VCAM1: variants seen among roughly 807,000 people sequenced by gnomAD.
VCAM1 encodes the protein vascular cell adhesion protein 1.
In VCAM1, 41 loss-of-function variants were observed where a neutral mutation model predicts 63.8. The ratio of observed to expected loss-of-function variants is 0.64; its 90% confidence interval spans 0.50 to 0.83. VCAM1 has a LOEUF of 0.83. Among genes scored for constraint, VCAM1 ranks in the 40% least tolerant of loss-of-function variants. The pLI is 0.00. For missense variants in VCAM1, 798 were observed against 875.5 expected (o/e 0.91, Z 1.12); for synonymous variants, 338 against 320.7 (o/e 1.05, Z -0.58).
rs1463419136 is a variant in VCAM1, at chr1:100,723,421, A to T, written c.661+81A>T. 9 of 362,922 alleles carry T rather than the reference A, an allele frequency of 2.5e-5. No individual in the cohort carries two copies. In the East Asian group the frequency reaches 4.2e-4, roughly 17 times the overall value. 22.5% of individuals were successfully genotyped at this position (362,922 alleles called of 1,614,324 possible). A position where few individuals can be genotyped will look rare whatever the true frequency, so the allele number is the denominator to read the frequency against. ...ATAGCAATAAACTTAGCAGAAAAGTAAAAAAAAAAAAAACTTGTATATAGT... is the reference window on the plus strand; with the variant it reads ...ATAGCAATAAACTTAGCAGAAAAGTTAAAAAAAAAAAAACTTGTATATAGT... On this transcript the variant is annotated intron_variant, in intron 3 of 8. Transcript: ENST00000294728.
intron 5 of VCAM1, among the ~76,000 whole-genome samples, chr1:100,730,126 G>A (rs961008148): frequency 6.6e-6 from 1 of 152,024 alleles, no homozygotes; most frequent in African/African-American, 2.4e-5. Context: ...GTTTTATTCA[G>A]TAGAACTCAA....
Position 100,734,683 on chromosome 1 carries a change from C to G in VCAM1, c.1974C>G (p.Ala658=), listed in dbSNP as rs1660587622. 6.2e-7 allele frequency: 1 copy of G among 1,613,770 alleles called. No individual in the cohort carries two copies. The highest frequency in any genetic ancestry group is 8.5e-7 in the Non-Finnish European group (1 of 1,179,914). ...ATGGCGCCTATACCATCCGAAAGGC[C>G]CAGTTGAAGGATGCGGGAGTATATG... ...SIDGAYTIRK[A]QLKDAGVYEC... is the part of the protein sequence containing the mutation. The change falls in exon 8 of 9, where the codon GCC becomes GCG. Residue 658 remains alanine, a synonymous_variant. Coordinates refer to ENST00000294728, the MANE Select transcript of VCAM1 (RefSeq NM_001078.4).
At chr1:100,720,001 G>T (rs1026365771) in intron 1 of VCAM1, 77 bp downstream of exon 1, 1 of 1,496,022 alleles carries the variant, frequency 6.7e-7, no homozygotes, top group Non-Finnish European at 9.2e-7. Context: ...TCAGTTTTGC[G>T]ATAGTAGTGA....
chr1:100,724,729 T>C lies in VCAM1; in HGVS notation c.767T>C (p.Ile256Thr). 1 of 1,613,092 alleles carries C rather than the reference T, an allele frequency of 6.2e-7. No individual in the cohort carries two copies. Reference sequence around the variant, plus strand: ...AGCGAGGGTCTACCAGCTCCAGAGATTTTCTGGAGTAAGAAATTAGATAAT... The same window carrying C: ...AGCGAGGGTCTACCAGCTCCAGAGACTTTCTGGAGTAAGAAATTAGATAAT... ...CSSEGLPAPE[I>T]FWSKKLDNGN... The change falls in exon 4 of 9, where the codon ATT becomes ACT. Residue 256 changes from isoleucine (I) to threonine (T), a missense_variant. Coordinates refer to ENST00000294728, the MANE Select transcript of VCAM1 (RefSeq NM_001078.4).
chr1:100,734,477 G>A (rs191238955), intron 7 of VCAM1, 25 bp from the exon 8 acceptor site: 1 of 1,595,052 alleles, frequency 6.3e-7, no homozygotes, highest in East Asian at 2.2e-5. Context: ...CTCAATCAGG[G>A]ATGTCTTTTA....
In VCAM1 at chr1:100,732,485, T is replaced by A; in HGVS notation, c.1593T>A (p.Asn531Lys). ...TCCTGGAGGAAGGCAGTTCTGTGAATATGACATGCTTGAGCCAGGGCTTTC... is the reference window on the plus strand; with the variant it reads ...TCCTGGAGGAAGGCAGTTCTGTGAAAATGACATGCTTGAGCCAGGGCTTTC... ...SSILEEGSSV[N>K]MTCLSQGFPA... The change falls in exon 7 of 9, where the codon AAT (asparagine) becomes AAA (lysine). Residue 531 changes from asparagine (N) to lysine (K), a missense_variant. Physicochemically the swap from Asn to Lys is moderately conservative, Grantham distance 94. Transcript: ENST00000294728. The A allele has an allele frequency of 6.2e-7, 1 of 1,612,808 alleles. No homozygotes were observed. The highest frequency in any genetic ancestry group is 1.3e-5 in the African/African-American group (1 of 74,982).
chr1:100,725,766 TTC>T (rs1660138089), intron 4 of VCAM1, among the ~76,000 whole-genome samples: 1 of 152,046 alleles, frequency 6.6e-6, no homozygotes, highest in Non-Finnish European at 1.5e-5. Flanking sequence ...TCTTTATTAT[TTC>T]TTTTTTAAAA....
chr1:100,733,746 G>A lies in VCAM1; in HGVS notation c.1793-756G>A, dbSNP rs3917067. ...ATAGTGAAAAAGCCACATCTGTACA[G>A]CTTAACTTCTTGATTGAAGAATCCA... On this transcript the variant is annotated intron_variant, in intron 7 of 8. Coordinates refer to ENST00000294728, the MANE Select transcript of VCAM1 (RefSeq NM_001078.4). 7.4e-3 allele frequency among the ~76,000 whole-genome samples: 1,124 copies of A among 152,262 alleles called. 15 individuals are homozygous for A. Among genetic ancestry groups the A allele is most frequent in the African/African-American group, 0.025 (1,058 of 41,558 alleles).
chr1:100,726,292 A>G (rs1660158765), intron 4 of VCAM1, among the ~76,000 whole-genome samples: 1 of 152,086 alleles, frequency 6.6e-6, no homozygotes, highest in South Asian at 2.1e-4. Context: ...TTATCTTTAA[A>G]TAGTCTCCCT....
intron 7 of VCAM1, among the ~76,000 whole-genome samples, chr1:100,732,891 T>C (rs1215156865): frequency 6.6e-6 from 1 of 152,222 alleles, no homozygotes; most frequent in Non-Finnish European, 1.5e-5. Flanking sequence ...CCTGAGATTC[T>C]TTTAAACTCA....
At chr1:100,738,054 G>C in intron 8 of VCAM1, 69 bp from the exon 9 acceptor site, 2 of 1,516,476 alleles carry the variant, frequency 1.3e-6, no homozygotes, top group Non-Finnish European at 1.8e-6. Flanking sequence ...TAATAAACAT[G>C]TAACTGTTGT....
chr1:100,730,103 G>T (rs3917012), intron 5 of VCAM1, among the ~76,000 whole-genome samples: 84,945 of 151,678 alleles, frequency 0.56, 26,761 homozygotes, highest in East Asian at 0.77. Flanking sequence ...TTTTGAGGGG[G>T]TCACTCTGCC....
rs1660101096 is a variant in VCAM1, at chr1:100,724,805, G to A, written c.843G>A (p.Met281Ile). The A allele has an allele frequency of 1.2e-6, 2 of 1,612,916 alleles. No individual in the cohort carries two copies. The highest frequency in any genetic ancestry group is 1.3e-5 in the African/African-American group (1 of 74,838). The change falls in exon 4 of 9, where the codon ATG becomes ATA. Residue 281 changes from methionine (M) to isoleucine (I), a missense_variant. Coordinates refer to ENST00000294728, the MANE Select transcript of VCAM1 (RefSeq NM_001078.4). ...SGNATLTLIAMRMEDSGIYVC... is the reference protein window; with the variant it reads ...SGNATLTLIAIRMEDSGIYVC... ...ATGCAACTCTCACCTTAATTGCTAT[G>A]AGGATGGAAGATTCTGGAATTTATG...
At chr1:100,735,340 A>G in intron 8 of VCAM1, 1 of 153,092 alleles carries the variant, frequency 6.5e-6, no homozygotes, top group East Asian at 1.9e-4. Context: ...GAGGAGCAGT[A>G]TCCTCATTGG....
At position 100,731,508 on chromosome 1, in the gene VCAM1, T is replaced by G; in HGVS notation, c.1515T>G (p.Leu505=). 1 of 1,612,680 alleles carries G rather than the reference T, an allele frequency of 6.2e-7. No homozygotes were observed. The highest frequency in any genetic ancestry group is 8.5e-7 in the Non-Finnish European group (1 of 1,179,438). The change falls in exon 6 of 9, where the codon CTT becomes CTG. Residue 505 remains leucine (L), a synonymous_variant. Coordinates refer to ENST00000294728, the MANE Select transcript of VCAM1 (RefSeq NM_001078.4). This position sits in a 1 kb window ranked among gnomAD's most constrained non-coding sequence, Gnocchi z 4.2. ...AACAAAGGCAGAGTACGCAAACACT[T>G]TATGTCAATGGTAAGTACATATGTG... ...EPKQRQSTQT[L]YVNVAPRDTT...
intron 4 of VCAM1, among the ~76,000 whole-genome samples, chr1:100,726,021 C>A (rs967482505): frequency 6.6e-6 from 1 of 151,894 alleles, no homozygotes; most frequent in African/African-American, 2.4e-5. Context: ...TCTAACTGAA[C>A]CTTTGTATCC....
chr1:100,724,815 G>C lies in VCAM1; in HGVS notation c.853G>C (p.Asp285His), dbSNP rs752955356. Residue 285 changes from aspartate (D) to histidine (H), a missense_variant, in exon 4 of 9, where the codon GAT becomes CAT. Transcript: ENST00000294728. Reference protein sequence around the residue: ...TLTLIAMRMEDSGIYVCEGVN... With the variant: ...TLTLIAMRMEHSGIYVCEGVN... ...CACCTTAATTGCTATGAGGATGGAA[G>C]ATTCTGGAATTTATGTGTGTGAAGG... The C allele has an allele frequency of 2.4e-5, 38 of 1,612,898 alleles. No individual in the cohort carries two copies. Among genetic ancestry groups the C allele is most frequent in the Non-Finnish European group, 3.2e-5 (38 of 1,179,402 alleles).
chr1:100,724,715 A>G lies in VCAM1; in HGVS notation c.753A>G (p.Leu251=). 6.2e-7 allele frequency: 1 copy of G among 1,613,128 alleles called. No individual in the cohort carries two copies. The highest frequency in any genetic ancestry group is 8.5e-7 in the Non-Finnish European group (1 of 1,179,450). Residue 251 remains leucine (L), a synonymous_variant, in exon 4 of 9, where the codon CTA becomes CTG. Coordinates refer to ENST00000294728, the MANE Select transcript of VCAM1 (RefSeq NM_001078.4). ...CCATGACCTGTTCCAGCGAGGGTCT[A>G]CCAGCTCCAGAGATTTTCTGGAGTA... The part of the protein sequence containing the change: ...SVTMTCSSEG[L]PAPEIFWSKK...
chr1:100,730,662 A>G (rs1246287627), intron 5 of VCAM1, among the ~76,000 whole-genome samples: 1 of 152,160 alleles, frequency 6.6e-6, no homozygotes, highest in Non-Finnish European at 1.5e-5. Context: ...TCAGAGAAAT[A>G]TGGATTTGCA....
Sources: gnomAD v4.1 joint callset for allele counts (sites outside exome capture counted in the v4.1 genomes callset) on GRCh38, gnomAD v4.1.1 for gene constraint, Gnocchi (gnomAD v3.1) non-coding constraint, MANE v1.5 for transcripts, NCBI Gene and HGNC (gene_info 2026-07-23, HGNC 2026-07-21) for gene names.